DOCK8: variants seen among roughly 807,000 people sequenced by gnomAD.
The protein encoded by DOCK8 is dedicator of cytokinesis 8, also known as dedicator of cytokinesis protein 8.
Under a neutral mutation model 245.6 loss-of-function variants are expected in DOCK8, and 141 were observed. The observed-to-expected ratio is 0.57, with a 90% confidence interval of 0.50 to 0.66. The LOEUF (loss-of-function observed/expected upper bound fraction) is 0.66. Among genes scored for constraint, DOCK8 ranks in the 30% least tolerant of loss-of-function variants. The probability of loss-of-function intolerance (pLI) is 0.00; values close to 1 mark genes in which losing one functional copy is unlikely to be tolerated. For synonymous variants in DOCK8, 1,168 were observed against 970.2 expected, an observed-to-expected ratio of 1.20 and a Z score of -3.79; for missense variants, 2,965 against 2,603.4, an observed-to-expected ratio of 1.14 and a Z score of -3.02.
At chr9:240,899 A>G (rs2047360441) in intron 1 of DOCK8, among the ~76,000 whole-genome samples, 1 of 152,162 alleles carries the variant, frequency 6.6e-6, no homozygotes. Context: ...TGTTATGAGA[A>G]CTGAGTGAGA....
intron 46 of DOCK8, among the ~76,000 whole-genome samples, chr9:462,729 T>C (rs1024898163): frequency 1.3e-5 from 2 of 152,234 alleles, no homozygotes. Flanking sequence ...CAACAAGTTT[T>C]TGCTGTGCTT....
upstream of DOCK8, chr9:214,708 G>A (rs1416675309): frequency 2.5e-5 from 39 of 1,553,984 alleles, no homozygotes; most frequent in Non-Finnish European, 3.2e-5. Flanking sequence ...CCAGTATCGG[G>A]AGGCCAGTTC....
chr9:325,875 G>T, intron 8 of DOCK8, 138 bp downstream of exon 8: 1 of 817,372 alleles, frequency 1.2e-6, no homozygotes, highest in Non-Finnish European at 2.0e-6. Flanking sequence ...CAGTTCTGTT[G>T]CCTTTGCAAT....
chr9:354,738 T>C (rs1359128200), intron 14 of DOCK8, among the ~76,000 whole-genome samples: 4 of 152,192 alleles, frequency 2.6e-5, no homozygotes, highest in African/African-American at 9.7e-5. Context: ...AGCCAGAGGC[T>C]TCCTTAAGTT....
At position 428,371 on chromosome 9, in the gene DOCK8, G is replaced by T. The variant is rs765441712; in HGVS notation, c.4348G>T (p.Ala1450Ser). 1.2e-6 allele frequency: 2 copies of T among 1,614,158 alleles called. No homozygotes were observed. Among genetic ancestry groups the T allele is most frequent in the Non-Finnish European group, 1.7e-6 (2 of 1,180,036 alleles). ...MQENIIQASS[A>S]LDCKDSLLGG... ...TCTTCCATTCCCCCAGGCGAGCTCG[G>T]CTCTGGACTGTAAAGACAGCCTGCT... Residue 1450 changes from alanine (A) to serine (S), a missense_variant, in exon 35 of 48, where the codon GCT becomes TCT. Physicochemically the swap from Ala to Ser is moderately conservative, Grantham distance 99 (BLOSUM62 1). Transcript: ENST00000432829.
chr9:415,958 C>A (rs2055986471), intron 29 of DOCK8, among the ~76,000 whole-genome samples: 1 of 152,142 alleles, frequency 6.6e-6, no homozygotes, highest in African/African-American at 2.4e-5. Context: ...GTATTTAGTT[C>A]ATGAAAATGG....
intron 32 of DOCK8, 143 bp from the exon 33 acceptor site, chr9:421,905 G>A: frequency 2.7e-6 from 2 of 744,374 alleles, no homozygotes; most frequent in Admixed American, 4.1e-5. Context: ...TGGCGACTTT[G>A]TCTCCTACCA....
intron 3 of DOCK8, 73 bp downstream of exon 3, chr9:286,709 G>C (rs1289412434): frequency 7.1e-7 from 1 of 1,399,446 alleles, no homozygotes; most frequent in African/African-American, 1.4e-5. Flanking sequence ...TAGGGGAGAT[G>C]CCTTCAATCT....
chr9:464,574 T>G lies in DOCK8; in HGVS notation c.*355T>G. On this transcript the variant is annotated 3_prime_UTR_variant, in exon 48 of 48. Coordinates refer to ENST00000432829, the MANE Select transcript of DOCK8 (RefSeq NM_203447.4). ...ATTTCCTCTGGCCCATATTTGAATTTATTGGAGTAACTCAAATTGCCTGAG... is the reference window on the plus strand; with the variant it reads ...ATTTCCTCTGGCCCATATTTGAATTGATTGGAGTAACTCAAATTGCCTGAG... The G allele has an allele frequency of 3.1e-6, 1 of 325,618 alleles. No individual in the cohort carries two copies. Among genetic ancestry groups the G allele is most frequent in the Non-Finnish European group, 5.8e-6 (1 of 172,180 alleles). 20.2% of individuals were successfully genotyped at this position (325,618 alleles called of 1,614,324 possible).
At chr9:255,116 A>G (rs1221633164) in intron 1 of DOCK8, among the ~76,000 whole-genome samples, 1 of 152,128 alleles carries the variant, frequency 6.6e-6, no homozygotes, top group African/African-American at 2.4e-5. Context: ...TAAGTTCTCT[A>G]AAAAAAGAAA....
At chr9:391,967 A>G (rs1233117458) in intron 24 of DOCK8, among the ~76,000 whole-genome samples, 2 of 151,628 alleles carry the variant, frequency 1.3e-5, no homozygotes, top group East Asian at 1.9e-4. Flanking sequence ...GACAAAACCC[A>G]TCCCTACTAA....
rs370686800 is a variant in DOCK8, at chr9:404,325, T to C, written c.3235-593T>C. The stretch of plus-strand genomic sequence containing the variant: ...ATTTTTCCTAAAAACTCTTCTAGCT[T>C]TCTTTCTCTTTCTTCTCCATTTCCT... On this transcript the variant is annotated intron_variant, in intron 26 of 47. Coordinates refer to ENST00000432829, the MANE Select transcript of DOCK8 (RefSeq NM_203447.4). 1.7e-4 allele frequency among the ~76,000 whole-genome samples: 26 copies of C among 152,184 alleles called. 1 individual carries two copies. The South Asian group carries it at 5.0e-3, about 29-fold the overall frequency.
chr9:381,291 C>T (rs1274681364), intron 21 of DOCK8: 2 of 152,144 alleles, frequency 1.3e-5, no homozygotes, highest in Non-Finnish European at 2.9e-5. Flanking sequence ...TCTTTACCCA[C>T]TTGCTAATTT....
chr9:310,811 A>T (rs571042746), intron 5 of DOCK8, among the ~76,000 whole-genome samples: 1 of 152,320 alleles, frequency 6.6e-6, no homozygotes, highest in East Asian at 1.9e-4. Context: ...ATTATCAGAA[A>T]ATTAGTATGA....
chr9:417,191 G>A (rs1204530110), intron 29 of DOCK8, among the ~76,000 whole-genome samples: 2 of 152,212 alleles, frequency 1.3e-5, no homozygotes. Context: ...TACTCGGGAG[G>A]CTGAGGTAGG....
At chr9:399,072 G>A (rs2054606146) in intron 25 of DOCK8, 74 bp from the exon 26 acceptor site, 15 of 1,392,670 alleles carry the variant, frequency 1.1e-5, no homozygotes, top group Non-Finnish European at 1.3e-5. Context: ...CTCTCCCAAT[G>A]TTCCCACCAG....
chr9:307,494 G>T (rs2049899512), intron 5 of DOCK8, among the ~76,000 whole-genome samples: 1 of 151,806 alleles, frequency 6.6e-6, no homozygotes, highest in Non-Finnish European at 1.5e-5. Flanking sequence ...GAGTAGCTGG[G>T]ATTACAGACA....
At chr9:416,235 C>T (rs1586967042) in intron 29 of DOCK8, among the ~76,000 whole-genome samples, 1 of 152,126 alleles carries the variant, frequency 6.6e-6, no homozygotes, top group Non-Finnish European at 1.5e-5. Flanking sequence ...CGCCTGATTG[C>T]GCGGAATTGA....
At chr9:347,937 C>T (rs539604522) in intron 14 of DOCK8, among the ~76,000 whole-genome samples, 14 of 152,288 alleles carry the variant, frequency 9.2e-5, no homozygotes, top group South Asian at 2.1e-4. Flanking sequence ...CTACCTTTTT[C>T]GTTACAAAAC....
Sources: gnomAD v4.1 joint callset for allele counts (sites outside exome capture counted in the v4.1 genomes callset) on GRCh38, gnomAD v4.1.1 for gene constraint, MANE v1.5 for transcripts, NCBI Gene and HGNC (gene_info 2026-07-23, HGNC 2026-07-21) for gene names.